AK9: variants seen among roughly 807,000 people sequenced by gnomAD.
AK9 encodes adenylate kinase 9, also known as adenylate kinase domain containing 1.
AK9 carries 191 observed loss-of-function variants against 239.6 expected under a neutral mutation model. The observed-to-expected ratio is 0.80, with a 90% CI of 0.71 to 0.90. The LOEUF (loss-of-function observed/expected upper bound fraction) is 0.90. AK9 is among the 40% of genes least tolerant of loss of function. The probability of loss-of-function intolerance (pLI) is 0.00; values close to 1 mark genes in which losing one functional copy is unlikely to be tolerated. For missense variants in AK9, 1,995 were observed against 2,214.7 expected, an observed-to-expected ratio of 0.90 and a Z score of 1.99; for synonymous variants, 689 against 721.0, an observed-to-expected ratio of 0.96 and a Z score of 0.71.
At chr6:109,518,093 C>T (rs1364074076) in intron 29 of AK9, among the ~76,000 whole-genome samples, 6 of 152,116 alleles carry the variant, frequency 3.9e-5, no homozygotes, top group Non-Finnish European at 7.4e-5. Flanking sequence ...CTTCTGGCTA[C>T]TTCCTAATCT....
intron 25 of AK9, 124 bp downstream of exon 25, chr6:109,549,966 G>A: frequency 9.1e-7 from 1 of 1,097,088 alleles, no homozygotes; most frequent in Non-Finnish European, 1.3e-6. Context: ...GCCCGGCCTA[G>A]ATATTTTCTT....
chr6:109,643,530 C>T (rs1013580744), intron 9 of AK9, among the ~76,000 whole-genome samples: 7 of 152,190 alleles, frequency 4.6e-5, no homozygotes, highest in African/African-American at 1.2e-4. Flanking sequence ...TTTCCTACCA[C>T]CAATTTGATT....
intron 6 of AK9, 47 bp downstream of exon 6, chr6:109,662,504 T>G (rs767424743): frequency 1.2e-5 from 16 of 1,350,028 alleles, no homozygotes; most frequent in Non-Finnish European, 1.3e-5. Flanking sequence ...TTAACTACTA[T>G]CAAAAAGAAT....
At chr6:109,682,089 G>A (rs1772726530) in intron 1 of AK9, among the ~76,000 whole-genome samples, 1 of 152,062 alleles carries the variant, frequency 6.6e-6, no homozygotes, top group Admixed American at 6.6e-5. Flanking sequence ...ACTAAGATGA[G>A]AGCAGAACTG....
At chr6:109,611,113 C>G (rs1793529034) in intron 16 of AK9, among the ~76,000 whole-genome samples, 1 of 152,166 alleles carries the variant, frequency 6.6e-6, no homozygotes, top group Non-Finnish European at 1.5e-5. Context: ...TTTCACCTGA[C>G]TCCTTGAATT....
chr6:109,680,901 G>C (rs1472707320), intron 1 of AK9, among the ~76,000 whole-genome samples: 1 of 152,144 alleles, frequency 6.6e-6, no homozygotes, highest in Non-Finnish European at 1.5e-5. Context: ...ACAAGCAAAT[G>C]CTGAGAGATT....
chr6:109,632,110 T>G, intron 12 of AK9: 1 of 969,192 alleles, frequency 1.0e-6, no homozygotes, highest in Non-Finnish European at 1.2e-6. Flanking sequence ...GGTGGTTACA[T>G]GGGGGTTCAT....
At chr6:109,669,374 C>T (rs558013198) in intron 5 of AK9, among the ~76,000 whole-genome samples, 1 of 151,902 alleles carries the variant, frequency 6.6e-6, no homozygotes, top group Admixed American at 6.6e-5. Flanking sequence ...ATTGAATACC[C>T]TTTATTTCTT....
rs533853745 is a variant in AK9, at chr6:109,571,429, C to T, written c.2344+2013G>A. ...TCTCTTGTAGGACTTTAAAAATGTCCGAGAGGAAACCTTTCTCTCAAGCCG... is the reference window on the plus strand; with the variant it reads ...TCTCTTGTAGGACTTTAAAAATGTCTGAGAGGAAACCTTTCTCTCAAGCCG... On this transcript the variant is annotated intron_variant, in intron 21 of 40. Coordinates refer to ENST00000424296, the MANE Select transcript of AK9 (RefSeq NM_001145128.3). Among the ~76,000 whole-genome samples, 28 of 152,080 alleles carry T rather than the reference C, an allele frequency of 1.8e-4. 1 individual carries two copies. The East Asian group carries it at 3.1e-3, about 17-fold the overall frequency.
intron 10 of AK9, among the ~76,000 whole-genome samples, chr6:109,640,492 A>G (rs1398148092): frequency 6.6e-6 from 1 of 152,180 alleles, no homozygotes; most frequent in Non-Finnish European, 1.5e-5. Context: ...TTGGAAATGC[A>G]GAAATCACCC....
intron 17 of AK9, among the ~76,000 whole-genome samples, chr6:109,606,383 C>T (rs1303959351): frequency 1.3e-5 from 2 of 151,892 alleles, no homozygotes; most frequent in Non-Finnish European, 2.9e-5. Context: ...AACGACAGTG[C>T]CAAGTACATG....
intron 5 of AK9, among the ~76,000 whole-genome samples, chr6:109,668,576 G>A (rs367907844): frequency 1.4e-5 from 2 of 146,730 alleles, no homozygotes; most frequent in Non-Finnish European, 3.0e-5. Flanking sequence ...ATTTTTGTAT[G>A]AGGTGTAAGG....
chr6:109,524,489 A>G (rs1780216276), intron 29 of AK9, among the ~76,000 whole-genome samples: 1 of 152,204 alleles, frequency 6.6e-6, no homozygotes, highest in African/African-American at 2.4e-5. Flanking sequence ...CAAACTAAAT[A>G]TGAAGAAAAT....
Position 109,493,196 on chromosome 6 carries a change from G to A in AK9, c.*173C>T. On this transcript the variant is annotated 3_prime_UTR_variant, in exon 41 of 41. Coordinates refer to ENST00000424296, the MANE Select transcript of AK9 (RefSeq NM_001145128.3). ...TATTAAAACTTGTTTCCATAAGAGT[G>A]CTCCTTCCTGGCTGGCAGACCTTTG... The A allele has an allele frequency of 1.7e-6, 1 of 603,510 alleles. No homozygotes were observed. The highest frequency in any genetic ancestry group is 2.9e-6 in the Non-Finnish European group (1 of 346,724). The allele number at this position is 603,510 out of a possible 1,614,324, so 37.4% of individuals were successfully genotyped here.
Position 109,514,457 on chromosome 6 carries a change from G to A in AK9, c.4066-20C>T. On this transcript the variant is annotated intron_variant, in intron 31 of 40. Coordinates refer to ENST00000424296, the MANE Select transcript of AK9 (RefSeq NM_001145128.3). ...ACTTAGCTGCAACATATACACAGTT[G>A]AATTTGAAAGTTAGTTTGAATTTTT... is the stretch of plus-strand genomic sequence containing the variant. 6.7e-7 allele frequency: 1 copy of A among 1,491,804 alleles called. No homozygotes were observed. Among genetic ancestry groups the A allele is most frequent in the Non-Finnish European group, 9.0e-7 (1 of 1,115,122 alleles). The allele number at this position is 1,491,804 out of a possible 1,614,324, so 92.4% of individuals were successfully genotyped here. A position where few individuals can be genotyped will look rare whatever the true frequency, so the allele number is the denominator to read the frequency against.
At chr6:109,652,456 A>G (rs1799106756) in intron 8 of AK9, among the ~76,000 whole-genome samples, 1 of 152,178 alleles carries the variant, frequency 6.6e-6, no homozygotes, top group Non-Finnish European at 1.5e-5. Context: ...GTTTGAGATC[A>G]TAATGGAGCT....
intron 12 of AK9, among the ~76,000 whole-genome samples, chr6:109,626,403 T>C (rs758498844): frequency 2.6e-5 from 4 of 152,348 alleles, no homozygotes; most frequent in East Asian, 3.9e-4. Flanking sequence ...TTGTGGATGA[T>C]ACATTATTAG....
Position 109,641,559 on chromosome 6 carries a change from G to A in AK9, c.892C>T (p.Leu298Phe). 6.2e-7 allele frequency: 1 copy of A among 1,613,644 alleles called. No individual in the cohort carries two copies. The highest frequency in any genetic ancestry group is 1.1e-5 in the South Asian group (1 of 91,070). Reference protein sequence around the residue: ...NLKRAAILTKLQGAEEEINDT... With the variant: ...NLKRAAILTKFQGAEEEINDT... ...TTAATTTCTTCCTCTGCACCCTGAAGTTTGGTTAGAATAGCTGCTCTTTTT... is the reference window on the plus strand; with the variant it reads ...TTAATTTCTTCCTCTGCACCCTGAAATTTGGTTAGAATAGCTGCTCTTTTT... The change falls in exon 10 of 41, where the codon CTT becomes TTT. Residue 298 changes from leucine to phenylalanine, a missense_variant. This residue lies in a region of AK9 where 1,290 missense variants were observed against 1,392.7 expected (regional missense o/e 0.93). Coordinates refer to ENST00000424296, the MANE Select transcript of AK9 (RefSeq NM_001145128.3).
At chr6:109,537,284 C>G (rs1473293087) in intron 27 of AK9, among the ~76,000 whole-genome samples, 1 of 151,968 alleles carries the variant, frequency 6.6e-6, no homozygotes, top group African/African-American at 2.4e-5. Context: ...ATTTCAGAGC[C>G]TGTTATTGGG....
Sources: gnomAD v4.1 joint callset for allele counts (sites outside exome capture counted in the v4.1 genomes callset) on GRCh38, gnomAD v4.1.1 for gene constraint, gnomAD v4.1.1 regional missense constraint, MANE v1.5 for transcripts, NCBI Gene and HGNC (gene_info 2026-07-23, HGNC 2026-07-21) for gene names.